Variants in RRAS2 observed in about 807,000 individuals in gnomAD.
RRAS2 encodes RAS related 2, also known as ras-related protein R-Ras2.
In RRAS2, 7 loss-of-function variants were observed where a neutral mutation model predicts 27.6. That is an observed-to-expected ratio of 0.25 (90% CI 0.14 to 0.48). The LOEUF (loss-of-function observed/expected upper bound fraction) is 0.48, where lower values mean the gene tolerates loss of function less well. Ranked by LOEUF, RRAS2 falls within the 20% of genes least tolerant of loss-of-function variation. The pLI is 0.99. For missense variants in RRAS2, 178 were observed against 256.2 expected, an observed-to-expected ratio of 0.69 and a Z score of 2.08; for synonymous variants, 86 against 90.9, an observed-to-expected ratio of 0.95 and a Z score of 0.31.
At position 14,359,015 on chromosome 11, in the gene RRAS2, G is replaced by A. The variant is rs1849146046; in HGVS notation, c.-145C>T. On this transcript the variant is annotated 5_prime_UTR_variant, in exon 1 of 6. Transcript: ENST00000256196. The stretch of plus-strand genomic sequence containing the variant: ...GGTACCGGGAGGCGTCTGGAGGGCC[G>A]GTCAGCGCGGTAGCGCGGCGCTGGG... The A allele has an allele frequency of 7.1e-6, 8 of 1,134,274 alleles. No individual in the cohort carries two copies. Among genetic ancestry groups the A allele is most frequent in the South Asian group, 4.3e-5 (1 of 23,020 alleles). 70.3% of individuals were successfully genotyped at this position (1,134,274 alleles called of 1,614,324 possible). A position where few individuals can be genotyped will look rare whatever the true frequency, so the allele number is the denominator to read the frequency against.
At chr11:14,351,327 C>T (rs1031992646) in intron 1 of RRAS2, among the ~76,000 whole-genome samples, 26 of 152,206 alleles carry the variant, frequency 1.7e-4, no homozygotes, top group Non-Finnish European at 3.7e-4. Context: ...CTATAAAAGG[C>T]GTAACTGGAA....
In RRAS2 at chr11:14,297,803, C is replaced by T. The variant is rs982833409; in HGVS notation, c.109-1948G>A. 3.6e-4 allele frequency among the ~76,000 whole-genome samples: 54 copies of T among 152,038 alleles called. 1 individual carries two copies. The highest frequency in any genetic ancestry group is 1.3e-3 in the African/African-American group (53 of 41,396). ...TTTAAATTAAAATTAAAATGTTTAACTTTAATCACAGAATTCCATATCTAT... is the reference window on the plus strand; with the variant it reads ...TTTAAATTAAAATTAAAATGTTTAATTTTAATCACAGAATTCCATATCTAT... On this transcript the variant is annotated intron_variant, in intron 1 of 5. Transcript: ENST00000256196.
intron 1 of RRAS2, chr11:14,356,801 CTTT>C (rs34757328): frequency 0.012 from 4,264 of 362,944 alleles, no homozygotes; most frequent in East Asian, 0.019. Context: ...GCAATTAATG[CTTT>C]TTTTTTTTTT....
chr11:14,294,777 T>A lies in RRAS2; in HGVS notation c.282A>T (p.Ser94=), dbSNP rs781790864. 1 of 1,613,602 alleles carries A rather than the reference T, an allele frequency of 6.2e-7. No homozygotes were observed. The highest frequency in any genetic ancestry group is 2.2e-5 in the East Asian group (1 of 44,870). ...RTGEGFLLVF[S]VTDRGSFEEI... ...GTACAAACCTGCCTCTATCTGTGAC[T>A]GAAAAGACCAACAGGAAGCCTTCGC... The change falls in exon 3 of 6, where the codon TCA becomes TCT. Residue 94 remains serine, a synonymous_variant. Transcript: ENST00000256196.
chr11:14,345,609 C>A (rs1251756746), intron 1 of RRAS2, among the ~76,000 whole-genome samples: 1 of 152,168 alleles, frequency 6.6e-6, no homozygotes, highest in African/African-American at 2.4e-5. Flanking sequence ...TAAGAATACA[C>A]ACACTCTTCC....
chr11:14,305,948 G>A (rs1466760176), intron 1 of RRAS2, among the ~76,000 whole-genome samples: 1 of 152,072 alleles, frequency 6.6e-6, no homozygotes, highest in Non-Finnish European at 1.5e-5. Flanking sequence ...GAGAGGCTGA[G>A]GTAGGAGGAT....
chr11:14,319,400 G>A (rs373284556), intron 1 of RRAS2, among the ~76,000 whole-genome samples: 10 of 123,264 alleles, frequency 8.1e-5, no homozygotes, highest in Non-Finnish European at 1.3e-4. Context: ...CGCCCAGGCC[G>A]GACTGCGGAC....
chr11:14,343,764 A>G (rs1178713471), intron 1 of RRAS2, among the ~76,000 whole-genome samples: 2 of 151,998 alleles, frequency 1.3e-5, no homozygotes, highest in Non-Finnish European at 1.5e-5. Context: ...TACCCGGCAG[A>G]AGGAGGTAGC....
chr11:14,358,880 A>G lies in RRAS2; in HGVS notation c.-10T>C, dbSNP rs537165957. The stretch of plus-strand genomic sequence containing the variant: ...AGCCGGCCGCGGCCATGGGGACGCT[A>G]CAGAGCCCAGCCTGACTGCGCCGAG... On this transcript the variant is annotated 5_prime_UTR_variant, in exon 1 of 6. Coordinates refer to ENST00000256196, the MANE Select transcript of RRAS2 (RefSeq NM_012250.6). This position sits in a 1 kb window ranked among gnomAD's most constrained non-coding sequence, Gnocchi z 5.1. 247 of 1,439,750 alleles carry G rather than the reference A, an allele frequency of 1.7e-4. 1 individual carries two copies. The South Asian group carries it at 2.9e-3, about 17-fold the overall frequency. The allele number at this position is 1,439,750 out of a possible 1,614,324, so 89.2% of individuals were successfully genotyped here.
At chr11:14,306,076 AT>A (rs35247669) in intron 1 of RRAS2, among the ~76,000 whole-genome samples, 6 of 148,574 alleles carry the variant, frequency 4.0e-5, no homozygotes, top group African/African-American at 7.4e-5. Context: ...CAAAAAAAGA[AT>A]TTTTTTTTTT....
Position 14,282,964 on chromosome 11 carries a change from A to G in RRAS2, c.409-1244T>C, listed in dbSNP as rs78416771. On this transcript the variant is annotated intron_variant, in intron 4 of 5. Transcript: ENST00000256196. ...TACCTAGAACCTCCAGTACAATGAC[A>G]TAAGTGGTGACGGGAATACTCTTGA... Among the ~76,000 whole-genome samples, 1,272 of 152,340 alleles carry G rather than the reference A, an allele frequency of 8.3e-3. 13 individuals carry two copies. Among genetic ancestry groups the G allele is most frequent in the African/African-American group, 0.029 (1,225 of 41,576 alleles).
chr11:14,317,419 A>G (rs782721167), intron 1 of RRAS2, among the ~76,000 whole-genome samples: 25 of 152,152 alleles, frequency 1.6e-4, no homozygotes, highest in Non-Finnish European at 3.5e-4. Context: ...ATCTTTACTA[A>G]AAATACAAAA....
chr11:14,364,279 G>A, intron 1 of RRAS2: 5 of 988,514 alleles, frequency 5.1e-6, no homozygotes, highest in Non-Finnish European at 7.7e-6. Context: ...GAGTGGAGAG[G>A]GAGATGCTAG....
rs117112951 is a variant in RRAS2 at position 14,298,484 on chromosome 11, C to T, written c.109-2629G>A. 6.3e-3 allele frequency among the ~76,000 whole-genome samples: 955 copies of T among 152,282 alleles called. 8 individuals carry two copies. The highest frequency in any genetic ancestry group is 0.012 in the Admixed American group (183 of 15,294). On this transcript the variant is annotated intron_variant, in intron 1 of 5. Transcript: ENST00000256196. ...AGTCCAGTATAATAAACTGTTTTAC[C>T]TCTACTCGCTATGGACATTTCTTTG...
intron 1 of RRAS2, among the ~76,000 whole-genome samples, chr11:14,353,752 A>T (rs1428289815): frequency 6.6e-6 from 1 of 152,220 alleles, no homozygotes; most frequent in Non-Finnish European, 1.5e-5. Context: ...CTGCAGGTTA[A>T]AATTTCCTTC....
chr11:14,306,211 T>C (rs113474906), intron 1 of RRAS2, among the ~76,000 whole-genome samples: 92 of 152,330 alleles, frequency 6.0e-4, no homozygotes, highest in African/African-American at 2.1e-3. Context: ...TTTGCAGAAA[T>C]GGCTACTCAA....
At chr11:14,348,029 T>A (rs187531377) in intron 1 of RRAS2, among the ~76,000 whole-genome samples, 51 of 152,258 alleles carry the variant, frequency 3.3e-4, no homozygotes, top group Admixed American at 3.1e-3. Flanking sequence ...CCTAAATTTA[T>A]CAACCTTTCC....
chr11:14,314,402 T>A (rs1378035579), intron 1 of RRAS2, among the ~76,000 whole-genome samples: 1 of 152,164 alleles, frequency 6.6e-6, no homozygotes, highest in Admixed American at 6.5e-5. Flanking sequence ...AATTTACATA[T>A]CAACCAAATC....
At chr11:14,281,789 A>G in intron 4 of RRAS2, 69 bp from the exon 5 acceptor site, 1 of 1,331,170 alleles carries the variant, frequency 7.5e-7, no homozygotes, top group Non-Finnish European at 1.0e-6. Context: ...AATCCTGGCC[A>G]CAGATTGTGC....
Sources: allele counts gnomAD v4.1 joint callset (sites outside exome capture counted in the v4.1 genomes callset), GRCh38; gene constraint gnomAD v4.1.1; non-coding constraint Gnocchi (gnomAD v3.1); transcripts MANE v1.5; gene names NCBI Gene and HGNC (gene_info 2026-07-23, HGNC 2026-07-21).